Variants in TYW1B observed in about 807,000 individuals in gnomAD.
The protein encoded by TYW1B is tRNA-yW synthesizing protein 1 homolog B.
A neutral mutation model predicts 86.9 loss-of-function variants in TYW1B; 73 were observed. That is an observed-to-expected ratio of 0.84 (90% CI 0.70 to 1.02). TYW1B has a LOEUF of 1.02. TYW1B is among the 50% of genes least tolerant of loss of function. The probability of loss-of-function intolerance (pLI) is 0.00; values close to 1 mark genes in which losing one functional copy is unlikely to be tolerated. For missense variants in TYW1B, 637 were observed against 827.4 expected, an observed-to-expected ratio of 0.77 and a Z score of 2.82; for synonymous variants, 248 against 292.8, an observed-to-expected ratio of 0.85 and a Z score of 1.56.
chr7:72,631,963 A>G (rs1554439837), intron 11 of TYW1B, among the ~76,000 whole-genome samples: 1 of 152,126 alleles, frequency 6.6e-6, no homozygotes, highest in Admixed American at 6.5e-5. Flanking sequence ...AGCAATTACA[A>G]AATTCAAGAG....
intron 6 of TYW1B, among the ~76,000 whole-genome samples, chr7:72,780,642 G>C (rs1335015670): frequency 6.6e-6 from 1 of 152,116 alleles, no homozygotes; most frequent in Non-Finnish European, 1.5e-5. Context: ...CCCTTCACTA[G>C]AGAAAGTATC....
intron 11 of TYW1B, among the ~76,000 whole-genome samples, chr7:72,688,774 A>G (rs1175385093): frequency 6.6e-6 from 1 of 152,180 alleles, no homozygotes; most frequent in Non-Finnish European, 1.5e-5. Context: ...ATTATCCACT[A>G]GACATTACCT....
intron 12 of TYW1B, among the ~76,000 whole-genome samples, chr7:72,626,073 A>G (rs566250647): frequency 8.2e-4 from 124 of 151,716 alleles, no homozygotes; most frequent in African/African-American, 3.0e-3. Flanking sequence ...TGATACATAT[A>G]TTTTCAGCTG....
chr7:72,608,577 C>T (rs1268187327), intron 13 of TYW1B, among the ~76,000 whole-genome samples: 1 of 152,110 alleles, frequency 6.6e-6, no homozygotes, highest in African/African-American at 2.4e-5. Context: ...AAATGGAATT[C>T]TAAAATAGAT....
At chr7:72,777,352 C>T in intron 7 of TYW1B, 64 bp downstream of exon 7, 1 of 1,569,738 alleles carries the variant, frequency 6.4e-7, no homozygotes, top group Non-Finnish European at 8.7e-7. Flanking sequence ...AGACTTCATT[C>T]TAGGTATCAA....
chr7:72,589,650 G>T (rs1811350808), intron 13 of TYW1B, among the ~76,000 whole-genome samples: 1 of 152,202 alleles, frequency 6.6e-6, no homozygotes, highest in African/African-American at 2.4e-5. Context: ...GCCAAGGCAG[G>T]TGGATCACTT....
intron 8 of TYW1B, among the ~76,000 whole-genome samples, chr7:72,738,702 A>G (rs1327285246): frequency 6.6e-6 from 1 of 152,152 alleles, no homozygotes; most frequent in African/African-American, 2.4e-5. Context: ...ATTTAACAGG[A>G]TGACCTAAGA....
intron 13 of TYW1B, among the ~76,000 whole-genome samples, chr7:72,584,657 C>T (rs1483307844): frequency 1.3e-5 from 2 of 152,006 alleles, no homozygotes; most frequent in African/African-American, 4.8e-5. Context: ...GGTTTCGCCA[C>T]GTTGGCCTGG....
chr7:72,663,031 T>A (rs527566481), intron 11 of TYW1B, among the ~76,000 whole-genome samples: 1 of 152,330 alleles, frequency 6.6e-6, no homozygotes, highest in East Asian at 1.9e-4. Context: ...ATAAAAAGGT[T>A]CAACTCTAAT....
intron 2 of TYW1B, among the ~76,000 whole-genome samples, chr7:72,819,050 A>C (rs541802762): frequency 5.9e-5 from 9 of 152,278 alleles, no homozygotes; most frequent in Non-Finnish European, 1.3e-4. Flanking sequence ...ACAAGGATAA[A>C]GTGAGATTTG....
intron 7 of TYW1B, among the ~76,000 whole-genome samples, chr7:72,757,440 A>C (rs1563083934): frequency 6.6e-6 from 1 of 152,090 alleles, no homozygotes; most frequent in Admixed American, 6.6e-5. Context: ...ATAAAAAAAA[A>C]CAATGGAGAA....
intron 3 of TYW1B, among the ~76,000 whole-genome samples, chr7:72,812,195 T>C (rs1338462451): frequency 2.6e-5 from 4 of 151,700 alleles, no homozygotes; most frequent in African/African-American, 9.7e-5. Context: ...ATGTATCAAG[T>C]CTAAACACAA....
rs1245978467 is a variant in TYW1B, at chr7:72,824,501, G to A, written c.135+2354C>T. On this transcript the variant is annotated intron_variant, in intron 2 of 13. Coordinates refer to ENST00000620995, the MANE Select transcript of TYW1B (RefSeq NM_001145440.3). ...CACGCCTGTAATCCCAGCACTTTAG[G>A]AGGCTGAGGCGGGTGACTCATCTGA... is the stretch of plus-strand genomic sequence containing the variant. Among the ~76,000 whole-genome samples the A allele has an allele frequency of 5.3e-5, 8 of 152,224 alleles. No homozygotes were observed. The East Asian group carries it at 1.2e-3, about 22-fold the overall frequency.
chr7:72,667,628 C>T lies in TYW1B; in HGVS notation c.1506+27059G>A, dbSNP rs138204117. Reference sequence around the variant, plus strand: ...ACTCGGAAGGCTGAGACAGGAGGATCGCTTGAGCCGGGAGGTGGAGGCTGC... The same window carrying T: ...ACTCGGAAGGCTGAGACAGGAGGATTGCTTGAGCCGGGAGGTGGAGGCTGC... On this transcript the variant is annotated intron_variant, in intron 11 of 13. Transcript: ENST00000620995. Among the ~76,000 whole-genome samples the T allele has an allele frequency of 5.9e-3, 905 of 152,224 alleles. 11 individuals are homozygous for T. Among genetic ancestry groups the T allele is most frequent in the African/African-American group, 0.021 (858 of 41,538 alleles).
chr7:72,650,708 T>C (rs782419177), intron 11 of TYW1B, among the ~76,000 whole-genome samples: 4 of 152,062 alleles, frequency 2.6e-5, no homozygotes, highest in Non-Finnish European at 5.9e-5. Context: ...AGAGCACACA[T>C]GCATGCAAAA....
chr7:72,579,389 A>T (rs1811097183), intron 13 of TYW1B, among the ~76,000 whole-genome samples: 1 of 152,234 alleles, frequency 6.6e-6, no homozygotes, highest in African/African-American at 2.4e-5. Context: ...TAACTGGAAG[A>T]CCAAGTAAAT....
chr7:72,717,030 G>A (rs1265802680), intron 9 of TYW1B, among the ~76,000 whole-genome samples: 1 of 151,980 alleles, frequency 6.6e-6, no homozygotes, highest in Non-Finnish European at 1.5e-5. Flanking sequence ...GCTGGGCACG[G>A]CAGCTCATGC....
rs1812781919 is a variant in TYW1B, at chr7:72,640,730, T to C, written c.1507-11733A>G. On this transcript the variant is annotated intron_variant, in intron 11 of 13. Transcript: ENST00000620995. The stretch of plus-strand genomic sequence containing the variant: ...GAAATTAACATAGCCATAGTCACAA[T>C]GGAACATTTGTACACATCTCTCTCA... Among the ~76,000 whole-genome samples the C allele has an allele frequency of 2.0e-5, 3 of 152,208 alleles. No homozygotes were observed. In the South Asian group the frequency reaches 6.2e-4, roughly 32 times the overall value.
intron 5 of TYW1B, among the ~76,000 whole-genome samples, chr7:72,803,187 C>T (rs1233411134): frequency 2.0e-5 from 3 of 152,080 alleles, no homozygotes; most frequent in African/African-American, 7.2e-5. Context: ...GCCTGGGCAA[C>T]ATAGTGAAAC....
Sources: allele counts gnomAD v4.1 joint callset (sites outside exome capture counted in the v4.1 genomes callset), GRCh38; gene constraint gnomAD v4.1.1; transcripts MANE v1.5; gene names NCBI Gene and HGNC (gene_info 2026-07-23, HGNC 2026-07-21).